CHCHD3: variants seen among roughly 807,000 people sequenced by gnomAD.
CHCHD3 encodes the protein coiled-coil-helix-coiled-coil-helix domain containing 3.
In CHCHD3, 20 loss-of-function variants were observed where a neutral mutation model predicts 38.2. That is an observed-to-expected ratio of 0.52 (90% confidence interval 0.37 to 0.76). The LOEUF is 0.76. Among genes scored for constraint, CHCHD3 ranks in the 30% least tolerant of loss-of-function variants. CHCHD3 has a pLI of 0.00. For synonymous variants in CHCHD3, 82 were observed against 100.0 expected (o/e 0.82, Z 1.07); for missense variants, 245 against 279.2 (o/e 0.88, Z 0.87).
Position 132,997,659 on chromosome 7 carries a change from T to TAAAAA in CHCHD3, c.252-22378_252-22374dup, listed in dbSNP as rs71178073. Among the ~76,000 whole-genome samples the TAAAAA allele has an allele frequency of 3.6e-3, 293 of 81,704 alleles. 14 individuals carry two copies. The highest frequency in any genetic ancestry group is 0.012 in the African/African-American group (244 of 20,852). The allele number at this position is 81,704 out of a possible 152,430, so 53.6% of individuals were successfully genotyped here. On this transcript the variant is annotated intron_variant, in intron 3 of 7. Coordinates refer to ENST00000262570, the MANE Select transcript of CHCHD3 (RefSeq NM_017812.4). ...CTTCTCACTGTAACTAACAGGGTTG[T>TAAAAA]AAAAAAAAAAAAAAAAAAAAAAAAA...
chr7:132,988,206 T>C (rs1479831527), intron 3 of CHCHD3, among the ~76,000 whole-genome samples: 1 of 151,912 alleles, frequency 6.6e-6, no homozygotes, highest in Non-Finnish European at 1.5e-5. Flanking sequence ...TAGTCAAATT[T>C]ACCCAAAATA....
At chr7:132,979,420 C>T (rs1811859715) in intron 3 of CHCHD3, among the ~76,000 whole-genome samples, 2 of 152,102 alleles carry the variant, frequency 1.3e-5, no homozygotes, top group South Asian at 4.1e-4. Context: ...AAGTAGTGAG[C>T]AAGAGACACA....
chr7:133,020,176 T>C (rs1813141774), intron 3 of CHCHD3, among the ~76,000 whole-genome samples: 1 of 152,128 alleles, frequency 6.6e-6, no homozygotes, highest in South Asian at 2.1e-4. Flanking sequence ...AAGATCCCCA[T>C]AAAACAGGAT....
chr7:132,975,147 C>G (rs369048853), intron 4 of CHCHD3, 22 bp downstream of exon 4: 3 of 1,586,044 alleles, frequency 1.9e-6, no homozygotes, highest in African/African-American at 2.7e-5. Context: ...AAGAAAATTT[C>G]TCCTACATTT....
At chr7:133,034,631 G>A (rs757137246) in intron 2 of CHCHD3, 17 of 1,538,888 alleles carry the variant, frequency 1.1e-5, no homozygotes, top group South Asian at 6.7e-5. Flanking sequence ...TGCCGTGATT[G>A]AAGGCTTTGC....
intron 3 of CHCHD3, 110 bp from the exon 4 acceptor site, chr7:132,975,396 A>G: frequency 1.2e-6 from 1 of 863,380 alleles, no homozygotes; most frequent in Non-Finnish European, 1.8e-6. Context: ...AAAGGTCAAC[A>G]GCTGAAATCA....
intron 6 of CHCHD3, among the ~76,000 whole-genome samples, chr7:132,798,262 T>C (rs1806672449): frequency 6.6e-6 from 1 of 152,220 alleles, no homozygotes; most frequent in Non-Finnish European, 1.5e-5. Context: ...TTTTACTTTT[T>C]CATTCATTAC....
intron 6 of CHCHD3, among the ~76,000 whole-genome samples, chr7:132,809,720 G>A (rs867639954): frequency 6.6e-6 from 1 of 152,310 alleles, no homozygotes; most frequent in South Asian, 2.1e-4. Context: ...ATATGAACCA[G>A]TATAACAGCC....
At chr7:132,807,398 A>G (rs529449521) in intron 6 of CHCHD3, among the ~76,000 whole-genome samples, 94 of 151,958 alleles carry the variant, frequency 6.2e-4, no homozygotes, top group Non-Finnish European at 1.1e-3. Flanking sequence ...TTCACCTCAC[A>G]CTTATACTGA....
At chr7:133,018,458 A>T (rs1374140745) in intron 3 of CHCHD3, among the ~76,000 whole-genome samples, 1 of 152,236 alleles carries the variant, frequency 6.6e-6, no homozygotes, top group South Asian at 2.1e-4. Flanking sequence ...GATCATTTCA[A>T]AACTATGCCT....
At chr7:133,009,793 G>A (rs567720125) in intron 3 of CHCHD3, among the ~76,000 whole-genome samples, 9 of 152,288 alleles carry the variant, frequency 5.9e-5, no homozygotes, top group African/African-American at 2.2e-4. Flanking sequence ...AAATGTAAGT[G>A]CAAACTATAG....
intron 4 of CHCHD3, among the ~76,000 whole-genome samples, chr7:132,922,910 T>A (rs545111590): frequency 2.6e-5 from 4 of 152,286 alleles, no homozygotes; most frequent in Non-Finnish European, 4.4e-5. Flanking sequence ...TGTTGATTCA[T>A]CAAACCTATC....
At chr7:133,032,884 A>G (rs1433612099) in intron 2 of CHCHD3, among the ~76,000 whole-genome samples, 1 of 152,182 alleles carries the variant, frequency 6.6e-6, no homozygotes, top group Admixed American at 6.5e-5. Context: ...TGTTTCAAAA[A>G]TGATTATATT....
Position 132,798,436 on chromosome 7 carries a change from A to C in CHCHD3, c.525-1859T>G, listed in dbSNP as rs528642119. Among the ~76,000 whole-genome samples, 6 of 152,304 alleles carry C rather than the reference A, an allele frequency of 3.9e-5. No homozygotes were observed. In the East Asian group the frequency reaches 1.2e-3, roughly 29 times the overall value. On this transcript the variant is annotated intron_variant, in intron 6 of 7. Coordinates refer to ENST00000262570, the MANE Select transcript of CHCHD3 (RefSeq NM_017812.4). ...TTTAAAAGGAATCAGCCGTGCTTCA[A>C]AGAGTATAGGCACAGATACCACTAA... is the stretch of plus-strand genomic sequence containing the variant.
At chr7:132,852,761 G>A (rs1808248993) in intron 5 of CHCHD3, among the ~76,000 whole-genome samples, 2 of 152,178 alleles carry the variant, frequency 1.3e-5, no homozygotes, top group African/African-American at 4.8e-5. Flanking sequence ...TGTTGGTGGA[G>A]AAAGGAATCC....
rs572249694 is a variant in CHCHD3, at chr7:133,002,606, C to A, written c.251+21940G>T. On this transcript the variant is annotated intron_variant, in intron 3 of 7. Transcript: ENST00000262570. ...AGGTAAGCACTGTTAAAAAAAAAAA[C>A]ACTCATATAAAAAGACAATTTGAGG... Among the ~76,000 whole-genome samples the A allele has an allele frequency of 6.0e-5, 9 of 150,856 alleles. No individual in the cohort carries two copies. In the East Asian group the frequency reaches 1.6e-3, roughly 26 times the overall value.
intron 4 of CHCHD3, among the ~76,000 whole-genome samples, chr7:132,909,806 A>G (rs1042385468): frequency 5.9e-5 from 9 of 152,184 alleles, no homozygotes; most frequent in African/African-American, 1.9e-4. Context: ...GGCTCTATTG[A>G]CCATTTTCTT....
At chr7:133,032,644 G>A (rs1214410058) in intron 2 of CHCHD3, among the ~76,000 whole-genome samples, 2 of 152,116 alleles carry the variant, frequency 1.3e-5, no homozygotes, top group Admixed American at 6.6e-5. Flanking sequence ...GGCTATAGCC[G>A]TATAGCAAGA....
intron 5 of CHCHD3, among the ~76,000 whole-genome samples, chr7:132,869,261 A>G (rs1808707209): frequency 1.3e-5 from 2 of 152,134 alleles, no homozygotes; most frequent in African/African-American, 4.8e-5. Flanking sequence ...CAACCTCTAG[A>G]ACCTGGTTTC....
Sources: allele counts gnomAD v4.1 joint callset (sites outside exome capture counted in the v4.1 genomes callset), GRCh38; gene constraint gnomAD v4.1.1; transcripts MANE v1.5; gene names NCBI Gene and HGNC (gene_info 2026-07-23, HGNC 2026-07-21).